The following KANSL1 variants were observed in gnomAD, a reference collection of about 807,000 sequenced individuals.
The protein encoded by KANSL1 is MLL1/MLL complex subunit KANSL1.
Under a neutral mutation model 103.6 loss-of-function variants are expected in KANSL1, and 22 were observed. The observed-to-expected ratio is 0.21, with a 90% confidence interval of 0.15 to 0.30. The LOEUF is 0.30. Ranked by LOEUF, KANSL1 falls within the 10% of genes least tolerant of loss-of-function variation. KANSL1 has a pLI of 1.00. For missense variants in KANSL1, 1,337 were observed against 1,399.8 expected (o/e 0.96, Z 0.72); for synonymous variants, 600 against 527.6 (o/e 1.14, Z -1.88).
At chr17:46,046,657 G>A (rs1391647848) in intron 7 of KANSL1, among the ~76,000 whole-genome samples, 1 of 149,532 alleles carries the variant, frequency 6.7e-6, no homozygotes, top group African/African-American at 2.5e-5. Flanking sequence ...CCAATATGGT[G>A]AAACCCCCAT....
intron 1 of KANSL1, among the ~76,000 whole-genome samples, chr17:46,183,569 A>G (rs1382472638): frequency 9.2e-6 from 1 of 108,582 alleles, no homozygotes; most frequent in Non-Finnish European, 2.4e-5. Context: ...AGGGGAGGAG[A>G]GAGGAGAGAG....
At chr17:46,219,730 A>T (rs2048460826) in intron 1 of KANSL1, among the ~76,000 whole-genome samples, 1 of 152,254 alleles carries the variant, frequency 6.6e-6, no homozygotes, top group Admixed American at 6.5e-5. Context: ...ATAAATTCAA[A>T]ATTCTTGAAG....
chr17:46,157,363 G>A (rs2045486408), intron 2 of KANSL1, among the ~76,000 whole-genome samples: 1 of 152,118 alleles, frequency 6.6e-6, no homozygotes, highest in Admixed American at 6.5e-5. Flanking sequence ...TACCATTCAA[G>A]GATGAAATTA....
chr17:46,032,913 A>G (rs934202458), intron 13 of KANSL1, 167 bp downstream of exon 13: 2 of 604,240 alleles, frequency 3.3e-6, no homozygotes, highest in Admixed American at 3.1e-5. Context: ...ATGTATCTCC[A>G]CTAGTTCCAA....
At chr17:46,109,625 G>C (rs2042718753) in intron 2 of KANSL1, among the ~76,000 whole-genome samples, 1 of 152,154 alleles carries the variant, frequency 6.6e-6, no homozygotes, top group Non-Finnish European at 1.5e-5. Context: ...AGGGCACAAA[G>C]GTGGACATTT....
chr17:46,065,552 C>T (rs557428557), intron 6 of KANSL1, among the ~76,000 whole-genome samples: 2 of 152,264 alleles, frequency 1.3e-5, no homozygotes, highest in African/African-American at 4.8e-5. Flanking sequence ...ATTGAACCCT[C>T]AAACAACCCT....
chr17:46,182,014 T>C (rs1049889987), intron 1 of KANSL1, among the ~76,000 whole-genome samples: 1 of 152,260 alleles, frequency 6.6e-6, no homozygotes, highest in Admixed American at 6.5e-5. Context: ...GTCACTGTCA[T>C]TCAGTTCAAA....
At chr17:46,061,817 C>T (rs2146601656) in intron 6 of KANSL1, among the ~76,000 whole-genome samples, 1 of 152,142 alleles carries the variant, frequency 6.6e-6, no homozygotes. Context: ...ATTGGCCGGG[C>T]GCGGTGGCTC....
At chr17:46,180,931 A>T (rs1166360149) in intron 1 of KANSL1, among the ~76,000 whole-genome samples, 1 of 152,224 alleles carries the variant, frequency 6.6e-6, no homozygotes, top group Non-Finnish European at 1.5e-5. Context: ...AACACTTTTT[A>T]AATGGGAGTG....
At chr17:46,081,401 C>T (rs757721915) in intron 4 of KANSL1, among the ~76,000 whole-genome samples, 2 of 152,026 alleles carry the variant, frequency 1.3e-5, no homozygotes, top group African/African-American at 2.4e-5. Flanking sequence ...GATCTGTAAA[C>T]AGCATGCAAT....
chr17:46,110,215 T>C lies in KANSL1; in HGVS notation c.1290-15514A>G, dbSNP rs188386719. On this transcript the variant is annotated intron_variant, in intron 2 of 14. Coordinates refer to ENST00000432791, the MANE Select transcript of KANSL1 (RefSeq NM_015443.4). ...AAAGCTAAAGGCTTAGATTTTTAAC[T>C]GGTCTAATGAGAGAAAGCACAGTAG... Among the ~76,000 whole-genome samples, 6 of 152,364 alleles carry C rather than the reference T, an allele frequency of 3.9e-5. No individual in the cohort carries two copies. The East Asian group carries it at 9.6e-4, about 24-fold the overall frequency.
At chr17:46,188,795 C>T (rs1420070858) in intron 1 of KANSL1, among the ~76,000 whole-genome samples, 1 of 152,044 alleles carries the variant, frequency 6.6e-6, no homozygotes, top group African/African-American at 2.4e-5. Context: ...CTTTGGGAGG[C>T]TGAGGTGGGT....
Position 46,181,470 on chromosome 17 carries a change from C to T in KANSL1, c.-89-9238G>A, listed in dbSNP as rs182501205. On this transcript the variant is annotated intron_variant, in intron 1 of 14. Transcript: ENST00000432791. ...TTGAGACAAAGTCTCGCTCTTGTCC[C>T]CCAGGCTGGAGTGCGATGGCGCGAT... 4.3e-3 allele frequency among the ~76,000 whole-genome samples: 659 copies of T among 152,254 alleles called. 5 individuals carry two copies. Among genetic ancestry groups the T allele is most frequent in the Non-Finnish European group, 2.9e-3 (197 of 68,020 alleles).
chr17:46,116,462 G>A (rs912028442), intron 2 of KANSL1, among the ~76,000 whole-genome samples: 2 of 152,190 alleles, frequency 1.3e-5, no homozygotes, highest in South Asian at 2.1e-4. Flanking sequence ...CTCGGGACAC[G>A]GAGCTTGCAG....
chr17:46,113,502 C>T (rs889916031), intron 2 of KANSL1, among the ~76,000 whole-genome samples: 1 of 152,148 alleles, frequency 6.6e-6, no homozygotes, highest in Non-Finnish European at 1.5e-5. Context: ...TAGGCATATG[C>T]AAGCCTTTGT....
intron 1 of KANSL1, among the ~76,000 whole-genome samples, chr17:46,199,807 C>G (rs2047733645): frequency 8.9e-6 from 1 of 111,952 alleles, no homozygotes; most frequent in Admixed American, 9.5e-5. Context: ...AAATAATTTA[C>G]TTTAGGATAA....
intron 1 of KANSL1, among the ~76,000 whole-genome samples, chr17:46,205,638 A>G (rs1332089990): frequency 2.0e-5 from 3 of 147,902 alleles, no homozygotes; most frequent in South Asian, 2.1e-4. Context: ...CCGAGATCAC[A>G]CCACTGTACT....
At chr17:46,050,050 G>A (rs2077658518) in intron 7 of KANSL1, 1 of 153,876 alleles carries the variant, frequency 6.5e-6, no homozygotes. Flanking sequence ...CAAGTAGCTG[G>A]GATTACAGAC....
chr17:46,154,419 A>G (rs2045303353), intron 2 of KANSL1, among the ~76,000 whole-genome samples: 2 of 152,212 alleles, frequency 1.3e-5, no homozygotes, highest in Admixed American at 1.3e-4. Flanking sequence ...AGCTGGGACT[A>G]CAGGTGTGAA....
Sources: gnomAD v4.1 joint callset for allele counts (sites outside exome capture counted in the v4.1 genomes callset) on GRCh38, gnomAD v4.1.1 for gene constraint, MANE v1.5 for transcripts, NCBI Gene and HGNC (gene_info 2026-07-23, HGNC 2026-07-21) for gene names.